Variants in KCNQ1 observed in about 807,000 individuals in gnomAD.
KCNQ1 encodes potassium voltage-gated channel subfamily KQT member 1.
KCNQ1 carries 49 observed loss-of-function variants against 72.4 expected under a neutral mutation model. That is an observed-to-expected ratio of 0.68 (90% confidence interval 0.54 to 0.86). KCNQ1 has a LOEUF of 0.86. KCNQ1 is among the 40% of genes least tolerant of loss of function. KCNQ1 has a pLI of 0.00. For missense variants in KCNQ1, 790 were observed against 945.1 expected, an observed-to-expected ratio of 0.84 and a Z score of 2.15; for synonymous variants, 450 against 412.6, an observed-to-expected ratio of 1.09 and a Z score of -1.10.
rs1437595338 is a variant in KCNQ1 at position 2,704,619 on chromosome 11, C to T, written c.1514+42538C>T. Among the ~76,000 whole-genome samples, 1 of 152,174 alleles carries T rather than the reference C, an allele frequency of 6.6e-6. No homozygotes were observed. On this transcript the variant is annotated intron_variant, in intron 11 of 15. Coordinates refer to ENST00000155840, the MANE Select transcript of KCNQ1 (RefSeq NM_000218.3). The surrounding 1 kb of genome is among the most constrained non-coding windows in gnomAD (Gnocchi z 4.3). Reference sequence around the variant, plus strand: ...CTCTGGCTGCTGAACAGAGAGAGAACTGAAGAGAGGCAGCAGGGTGAGGGG... The same window carrying T: ...CTCTGGCTGCTGAACAGAGAGAGAATTGAAGAGAGGCAGCAGGGTGAGGGG...
chr11:2,542,205 GC>G (rs1428014053), intron 2 of KCNQ1, among the ~76,000 whole-genome samples: 1 of 152,238 alleles, frequency 6.6e-6, no homozygotes, highest in Admixed American at 6.5e-5. Flanking sequence ...AGTTCCTGGG[GC>G]TGTGCCGAGG....
chr11:2,847,741 T>C, intron 15 of KCNQ1, 26 bp from the exon 16 acceptor site: 3 of 1,565,248 alleles, frequency 1.9e-6, no homozygotes, highest in Non-Finnish European at 1.7e-6. Context: ...CACCACTGAC[T>C]CTCTCGTCTG....
intron 10 of KCNQ1, chr11:2,655,566 C>A: frequency 2.5e-6 from 1 of 398,706 alleles, no homozygotes; most frequent in Non-Finnish European, 4.4e-6. Flanking sequence ...CTGTGAAATA[C>A]CCACTTCAGA....
rs757784216 is a variant in KCNQ1, at chr11:2,585,355, T to G, written c.1128+48T>G. 3.3e-6 allele frequency: 5 copies of G among 1,532,404 alleles called. No individual in the cohort carries two copies. The Admixed American group carries it at 6.7e-5, about 20-fold the overall frequency. 94.9% of individuals were successfully genotyped at this position (1,532,404 alleles called of 1,614,324 possible). A position where few individuals can be genotyped will look rare whatever the true frequency, so the allele number is the denominator to read the frequency against. ...GTCACTGTCATTTTGGTCACTGTTATTGTTGCATCCAGCCCTCACGGCCAC... is the reference window on the plus strand; with the variant it reads ...GTCACTGTCATTTTGGTCACTGTTAGTGTTGCATCCAGCCCTCACGGCCAC... On this transcript the variant is annotated intron_variant, in intron 8 of 15. Transcript: ENST00000155840.
chr11:2,551,014 T>G (rs1020088464), intron 2 of KCNQ1, among the ~76,000 whole-genome samples: 3 of 152,164 alleles, frequency 2.0e-5, no homozygotes, highest in African/African-American at 7.2e-5. Flanking sequence ...GGGTCATAGC[T>G]GCCTCTCCCT....
At chr11:2,552,245 A>G (rs897199202) in intron 2 of KCNQ1, among the ~76,000 whole-genome samples, 10 of 151,904 alleles carry the variant, frequency 6.6e-5, no homozygotes, top group Non-Finnish European at 4.4e-5. Context: ...TCTTGTTTAG[A>G]TCTGTGATTC....
chr11:2,587,732 T>C, intron 9 of KCNQ1, 40 bp downstream of exon 9: 7 of 1,613,116 alleles, frequency 4.3e-6, no homozygotes, highest in Non-Finnish European at 5.9e-6. Context: ...GCCTTCTTGC[T>C]AGCAGGTGGG....
chr11:2,515,660 T>A lies in KCNQ1; in HGVS notation c.387-12268T>A, dbSNP rs1052742587. Among the ~76,000 whole-genome samples, 4 of 151,650 alleles carry A rather than the reference T, an allele frequency of 2.6e-5. No individual in the cohort carries two copies. The highest frequency in any genetic ancestry group is 7.3e-5 in the African/African-American group (3 of 41,252). ...AGGCCTCTCACAGAGACAAGACGAG[T>A]GTCCTAGGGCAGATAGGGCCACATC... On this transcript the variant is annotated intron_variant, in intron 1 of 15. Coordinates refer to ENST00000155840, the MANE Select transcript of KCNQ1 (RefSeq NM_000218.3). The surrounding 1 kb of genome is among the most constrained non-coding windows in gnomAD (Gnocchi z 4.7).
rs1845937266 is a variant in KCNQ1 at position 2,735,260 on chromosome 11, G to T, written c.1515-33584G>T. Among the ~76,000 whole-genome samples, 2 of 152,224 alleles carry T rather than the reference G, an allele frequency of 1.3e-5. No homozygotes were observed. Among genetic ancestry groups the T allele is most frequent in the African/African-American group, 4.8e-5 (2 of 41,534 alleles). ...CGCCACTTGCCCTGAGGCCCTGGGG[G>T]ACAGCCTGGCCCCTGGATGGCCAGA... is the stretch of plus-strand genomic sequence containing the variant. On this transcript the variant is annotated intron_variant, in intron 11 of 15. Coordinates refer to ENST00000155840, the MANE Select transcript of KCNQ1 (RefSeq NM_000218.3). The surrounding 1 kb of genome is among the most constrained non-coding windows in gnomAD (Gnocchi z 7.7).
chr11:2,848,720 T>G lies in KCNQ1; in HGVS notation c.*717T>G, dbSNP rs189162344. 1,444 of 452,766 alleles carry G rather than the reference T, an allele frequency of 3.2e-3. 1 individual carries two copies. Among genetic ancestry groups the G allele is most frequent in the Non-Finnish European group, 4.8e-3 (1,075 of 225,692 alleles). 28.0% of individuals were successfully genotyped at this position (452,766 alleles called of 1,614,324 possible). On this transcript the variant is annotated 3_prime_UTR_variant, in exon 16 of 16. Coordinates refer to ENST00000155840, the MANE Select transcript of KCNQ1 (RefSeq NM_000218.3). ...GAGAGGAGCCCTGCCTCTCCGCCCCTGAGCCCACTGTGCGTGGGGCTCCCG... is the reference window on the plus strand; with the variant it reads ...GAGAGGAGCCCTGCCTCTCCGCCCCGGAGCCCACTGTGCGTGGGGCTCCCG...
At chr11:2,551,690 AT>A (rs1311078383) in intron 2 of KCNQ1, among the ~76,000 whole-genome samples, 1 of 152,212 alleles carries the variant, frequency 6.6e-6, no homozygotes, top group Non-Finnish European at 1.5e-5. Flanking sequence ...ATTTTGCAAA[AT>A]GGTAGGCCCG....
Position 2,641,832 on chromosome 11 carries a change from C to T in KCNQ1, c.1394-20129C>T, listed in dbSNP as rs530437153. ...ATTTTAGTATAGCAAGAGATAGAAA[C>T]GGTTTCATTTTTCACATGGATATCT... is the stretch of plus-strand genomic sequence containing the variant. On this transcript the variant is annotated intron_variant, in intron 10 of 15. Coordinates refer to ENST00000155840, the MANE Select transcript of KCNQ1 (RefSeq NM_000218.3). 9.0e-5 allele frequency: 36 copies of T among 398,252 alleles called. 1 individual carries two copies. In the East Asian group the frequency reaches 1.0e-3, roughly 11 times the overall value. 24.7% of individuals were successfully genotyped at this position (398,252 alleles called of 1,614,324 possible). A position where few individuals can be genotyped will look rare whatever the true frequency, so the allele number is the denominator to read the frequency against.
rs1339039636 is a variant in KCNQ1, at chr11:2,447,385, C to T, written c.386+1901C>T. Among the ~76,000 whole-genome samples, 1 of 152,156 alleles carries T rather than the reference C, an allele frequency of 6.6e-6. No individual in the cohort carries two copies. Among genetic ancestry groups the T allele is most frequent in the African/African-American group, 2.4e-5 (1 of 41,432 alleles). On this transcript the variant is annotated intron_variant, in intron 1 of 15. Transcript: ENST00000155840. This position sits in a 1 kb window ranked among gnomAD's most constrained non-coding sequence, Gnocchi z 7.6. Reference sequence around the variant, plus strand: ...GGCTGGTCCTTTCCAGTTCTGGGTCCTGTCCTTGTAAGACGTGTGCCTGGC... The same window carrying T: ...GGCTGGTCCTTTCCAGTTCTGGGTCTTGTCCTTGTAAGACGTGTGCCTGGC...
Position 2,611,666 on chromosome 11 carries a change from C to A in KCNQ1, c.1393+22812C>A, listed in dbSNP as rs552349598. Reference sequence around the variant, plus strand: ...GGATCCTGCTTTTAAGGCAGTCTGGCAATCTCTGCTCTTTATTGAGTTTTT... The same window carrying A: ...GGATCCTGCTTTTAAGGCAGTCTGGAAATCTCTGCTCTTTATTGAGTTTTT... On this transcript the variant is annotated intron_variant, in intron 10 of 15. Transcript: ENST00000155840. The surrounding 1 kb of genome is among the most constrained non-coding windows in gnomAD (Gnocchi z 5.3). 1.7e-4 allele frequency: 67 copies of A among 398,574 alleles called. 1 individual carries two copies. In the South Asian group the frequency reaches 7.9e-3, roughly 47 times the overall value. 24.7% of individuals were successfully genotyped at this position (398,574 alleles called of 1,614,324 possible). A position where few individuals can be genotyped will look rare whatever the true frequency, so the allele number is the denominator to read the frequency against.
At chr11:2,774,360 C>G (rs1255404013) in intron 12 of KCNQ1, among the ~76,000 whole-genome samples, 2 of 152,206 alleles carry the variant, frequency 1.3e-5, no homozygotes, top group African/African-American at 2.4e-5. Context: ...CAGTGTGGCC[C>G]CAGGAGCAGC....
chr11:2,614,228 C>T (rs1293555264), intron 10 of KCNQ1: 1 of 398,448 alleles, frequency 2.5e-6, no homozygotes, highest in East Asian at 3.6e-5. Flanking sequence ...CAAGAGCCTC[C>T]ACTATAGCTG....
At chr11:2,667,935 G>A (rs1052626144) in intron 11 of KCNQ1, 32 of 398,676 alleles carry the variant, frequency 8.0e-5, no homozygotes, top group East Asian at 3.9e-4. Context: ...TGCAGCACCC[G>A]GAGGAAGCAA....
At position 2,477,665 on chromosome 11, in the gene KCNQ1, A is replaced by G. The variant is rs1169875596; in HGVS notation, c.386+32181A>G. On this transcript the variant is annotated intron_variant, in intron 1 of 15. Coordinates refer to ENST00000155840, the MANE Select transcript of KCNQ1 (RefSeq NM_000218.3). The surrounding 1 kb of genome is among the most constrained non-coding windows in gnomAD (Gnocchi z 5.0). ...TGTAATCCCACCACTTTGGGAGGCT[A>G]AGGTGGGAGGATTGCCTGAGCTCAG... Among the ~76,000 whole-genome samples the G allele has an allele frequency of 2.0e-5, 3 of 151,972 alleles. No individual in the cohort carries two copies. The highest frequency in any genetic ancestry group is 2.9e-5 in the Non-Finnish European group (2 of 67,962).
rs1333995707 is a variant in KCNQ1 at position 2,567,119 on chromosome 11, A to ACAG, written c.478-3507_478-3505dup. 4.4e-4 allele frequency among the ~76,000 whole-genome samples: 67 copies of ACAG among 152,100 alleles called. 1 individual carries two copies. The highest frequency in any genetic ancestry group is 4.4e-3 in the Admixed American group (67 of 15,282). ...AGCCCCTGGGAAGGAGGCCTCAGGG[A>ACAG]CAGCCCTAGACTGTCACCCTCAGTG... is the stretch of plus-strand genomic sequence containing the variant. On this transcript the variant is annotated intron_variant, in intron 2 of 15. Transcript: ENST00000155840. This position sits in a 1 kb window ranked among gnomAD's most constrained non-coding sequence, Gnocchi z 6.6.
Sources: allele counts gnomAD v4.1 joint callset (sites outside exome capture counted in the v4.1 genomes callset), GRCh38; gene constraint gnomAD v4.1.1; non-coding constraint Gnocchi (gnomAD v3.1); transcripts MANE v1.5; gene names NCBI Gene and HGNC (gene_info 2026-07-23, HGNC 2026-07-21).